The following SYN2 variants were observed in gnomAD, a reference collection of about 807,000 sequenced individuals.
SYN2 encodes synapsin II.
Under a neutral mutation model 50.9 loss-of-function variants are expected in SYN2, and 19 were observed. The ratio of observed to expected loss-of-function variants is 0.37; its 90% CI spans 0.26 to 0.55. The LOEUF (loss-of-function observed/expected upper bound fraction) is 0.55. Among genes scored for constraint, SYN2 ranks in the 20% least tolerant of loss-of-function variants. The pLI, the probability that SYN2 is intolerant of heterozygous loss-of-function variation, is 0.81. For missense variants in SYN2, 587 were observed against 576.4 expected (o/e 1.02, Z -0.19); for synonymous variants, 255 against 224.9 (o/e 1.13, Z -1.20).
intron 1 of SYN2, among the ~76,000 whole-genome samples, chr3:12,130,093 A>T (rs1371089809): frequency 6.6e-6 from 1 of 152,130 alleles, no homozygotes; most frequent in Non-Finnish European, 1.5e-5. Flanking sequence ...AATGTTGTTT[A>T]AGCCAGCCAG....
At chr3:12,155,956 C>T (rs1697444527) in intron 5 of SYN2, among the ~76,000 whole-genome samples, 1 of 152,194 alleles carries the variant, frequency 6.6e-6, no homozygotes, top group Non-Finnish European at 1.5e-5. Flanking sequence ...AATTCCACAT[C>T]CTCAGAGCTA....
chr3:12,104,862 C>T (rs748980533), intron 1 of SYN2, among the ~76,000 whole-genome samples: 1 of 152,128 alleles, frequency 6.6e-6, no homozygotes, highest in Admixed American at 6.5e-5. Context: ...AGCCACCGCA[C>T]CTGGCCCATG....
chr3:12,072,098 A>G (rs1203320084), intron 1 of SYN2, among the ~76,000 whole-genome samples: 1 of 152,196 alleles, frequency 6.6e-6, no homozygotes, highest in African/African-American at 2.4e-5. Context: ...AAAAAAAAAC[A>G]AAAACCTTTT....
chr3:12,056,998 A>G (rs1001536285), intron 1 of SYN2, among the ~76,000 whole-genome samples: 1 of 152,188 alleles, frequency 6.6e-6, no homozygotes, highest in African/African-American at 2.4e-5. Context: ...ATGAAAATAT[A>G]GTGACATCTG....
intron 5 of SYN2, chr3:12,153,263 G>T: frequency 1.8e-6 from 1 of 558,554 alleles, no homozygotes. Flanking sequence ...AACAGACTAA[G>T]CCAGAAGAAA....
chr3:12,157,397 G>T lies in SYN2; in HGVS notation c.775-4149G>T, dbSNP rs752961762. On this transcript the variant is annotated intron_variant, in intron 5 of 12. Coordinates refer to ENST00000621198, the MANE Select transcript of SYN2 (RefSeq NM_133625.6). ...TGCCCCCATGTACCTTTATCTGTTT[G>T]ATTTCATACCGGAGCATTTTTTCAG... 52 of 1,614,014 alleles carry T rather than the reference G, an allele frequency of 3.2e-5. No individual in the cohort carries two copies. In the Middle Eastern group the frequency reaches 4.9e-4, roughly 15 times the overall value.
chr3:12,167,222 A>T lies in SYN2; in HGVS notation c.981-12A>T. ...TCACTGCCTGTCCTATCCTGGTGGG[A>T]TCTTGTTGCAGGAGGACATCGATCT... On this transcript the variant is annotated splice_polypyrimidine_tract_variant and intron_variant, in intron 7 of 12. Coordinates refer to ENST00000621198, the MANE Select transcript of SYN2 (RefSeq NM_133625.6). 1 of 1,611,564 alleles carries T rather than the reference A, an allele frequency of 6.2e-7. No individual in the cohort carries two copies. The highest frequency in any genetic ancestry group is 1.7e-4 in the Middle Eastern group (1 of 6,056).
At chr3:12,126,974 A>G (rs1696683947) in intron 1 of SYN2, among the ~76,000 whole-genome samples, 1 of 152,240 alleles carries the variant, frequency 6.6e-6, no homozygotes, top group Non-Finnish European at 1.5e-5. Flanking sequence ...AGTGCCTTTC[A>G]TATAGGTGAA....
intron 1 of SYN2, among the ~76,000 whole-genome samples, chr3:12,083,457 A>G (rs1290092696): frequency 2.6e-5 from 4 of 152,116 alleles, no homozygotes; most frequent in Non-Finnish European, 5.9e-5. Context: ...GGTTGGTGGA[A>G]CTGCAGTGGT....
chr3:12,187,707 C>T (rs1322231244), intron 12 of SYN2, 95 bp downstream of exon 12: 41 of 1,429,868 alleles, frequency 2.9e-5, no homozygotes, highest in Non-Finnish European at 3.7e-5. Context: ...TCAATCAGGT[C>T]TCCTCCTACA....
chr3:12,153,732 A>G (rs1478087215), intron 5 of SYN2: 2 of 1,613,586 alleles, frequency 1.2e-6, no homozygotes, highest in Non-Finnish European at 1.7e-6. Context: ...TGGCCACACA[A>G]CATTAAAGTG....
At chr3:12,113,226 C>T (rs1696363371) in intron 1 of SYN2, among the ~76,000 whole-genome samples, 3 of 152,100 alleles carry the variant, frequency 2.0e-5, no homozygotes, top group Non-Finnish European at 4.4e-5. Context: ...CAAAGTATTC[C>T]TAAGGAGAAG....
intron 2 of SYN2, 131 bp from the exon 3 acceptor site, chr3:12,141,774 G>A (rs1180985639): frequency 1.6e-6 from 1 of 644,250 alleles, no homozygotes. Flanking sequence ...ATTAGAATTA[G>A]ACTAACTCAG....
rs900902296 is a variant in SYN2, at chr3:12,185,700, T to C, written c.1370-1669T>C. On this transcript the variant is annotated intron_variant, in intron 11 of 12. Transcript: ENST00000621198. ...CTTTTGTGACTCTTGTACAGCTTAA[T>C]GTGCAATAAAGGAAAAGTTATATCT... is the stretch of plus-strand genomic sequence containing the variant. 3.0e-6 allele frequency: 3 copies of C among 985,766 alleles called. No individual in the cohort carries two copies. The Admixed American group carries it at 1.8e-4, about 61-fold the overall frequency. The allele number at this position is 985,766 out of a possible 1,614,324, so 61.1% of individuals were successfully genotyped here.
chr3:12,080,858 T>C (rs1014480276), intron 1 of SYN2, among the ~76,000 whole-genome samples: 7 of 152,248 alleles, frequency 4.6e-5, no homozygotes, highest in Admixed American at 2.0e-4. Context: ...TGAATATCTT[T>C]GTTAATTTTC....
chr3:12,181,111 G>T (rs925523233), intron 10 of SYN2, among the ~76,000 whole-genome samples: 1 of 152,220 alleles, frequency 6.6e-6, no homozygotes, highest in African/African-American at 2.4e-5. Context: ...ACAAAAGAAA[G>T]TTCTACTTGT....
intron 1 of SYN2, among the ~76,000 whole-genome samples, chr3:12,116,115 T>C (rs1477761845): frequency 6.6e-6 from 1 of 152,156 alleles, no homozygotes; most frequent in East Asian, 1.9e-4. Context: ...GTCAGCTCTT[T>C]TAGGGGACGT....
chr3:12,146,801 G>A (rs532689284), intron 4 of SYN2, among the ~76,000 whole-genome samples: 38 of 152,208 alleles, frequency 2.5e-4, no homozygotes, highest in South Asian at 4.1e-4. Context: ...CTTCCCCTCC[G>A]ACCACTGAGG....
At chr3:12,132,108 G>C (rs1373458083) in intron 1 of SYN2, among the ~76,000 whole-genome samples, 1 of 146,228 alleles carries the variant, frequency 6.8e-6, no homozygotes, top group African/African-American at 2.6e-5. Context: ...CTGGGCTCAA[G>C]TGATCCTCCA....
Sources: gnomAD v4.1 joint callset for allele counts (sites outside exome capture counted in the v4.1 genomes callset) on GRCh38, gnomAD v4.1.1 for gene constraint, MANE v1.5 for transcripts, NCBI Gene and HGNC (gene_info 2026-07-23, HGNC 2026-07-21) for gene names.